GSE1: variants seen among roughly 807,000 people sequenced by gnomAD.
The protein encoded by GSE1 is Gse1 coiled-coil protein, also known as genetic suppressor element 1.
A neutral mutation model predicts 112.6 loss-of-function variants in GSE1; 32 were observed. The observed-to-expected ratio is 0.28, with a 90% CI of 0.21 to 0.38. The LOEUF (loss-of-function observed/expected upper bound fraction) is 0.38, where lower values mean the gene tolerates loss of function less well. GSE1 is among the 10% of genes least tolerant of loss of function. GSE1 has a pLI of 1.00. For synonymous variants in GSE1, 1,115 were observed against 735.6 expected (o/e 1.52, Z -8.35); for missense variants, 2,348 against 1,699.2 (o/e 1.38, Z -6.71).
At chr16:85,642,040 G>C (rs989073639) in intron 2 of GSE1, among the ~76,000 whole-genome samples, 53 of 152,252 alleles carry the variant, frequency 3.5e-4, no homozygotes, top group African/African-American at 1.2e-3. Flanking sequence ...AGCTGTTCCA[G>C]CCTACACCGG....
intron 2 of GSE1, among the ~76,000 whole-genome samples, chr16:85,507,051 G>A (rs1380944842): frequency 6.6e-6 from 1 of 152,176 alleles, no homozygotes; most frequent in East Asian, 1.9e-4. Context: ...ACCGTGTGGG[G>A]TTGCGGTTTC....
intron 2 of GSE1, among the ~76,000 whole-genome samples, chr16:85,417,662 A>T (rs191016757): frequency 6.6e-6 from 1 of 152,180 alleles, no homozygotes; most frequent in African/African-American, 2.4e-5. Context: ...GCTGGGGCCC[A>T]AGGCCAGTGG....
At chr16:85,381,625 T>G (rs890799556) in intron 2 of GSE1, among the ~76,000 whole-genome samples, 1 of 152,176 alleles carries the variant, frequency 6.6e-6, no homozygotes. Flanking sequence ...TGAGGCTATG[T>G]GGGTTTAACA....
intron 2 of GSE1, among the ~76,000 whole-genome samples, chr16:85,416,675 A>T (rs184177515): frequency 1.3e-5 from 2 of 152,318 alleles, no homozygotes; most frequent in Admixed American, 1.3e-4. Flanking sequence ...TTCCTTGCTA[A>T]GATTCTTCAT....
At chr16:85,328,671 C>CA (rs2046275542) in intron 1 of GSE1, among the ~76,000 whole-genome samples, 1 of 152,230 alleles carries the variant, frequency 6.6e-6, no homozygotes, top group Non-Finnish European at 1.5e-5. Context: ...GCAGGGTCTG[C>CA]AGTGGGGCAG....
intron 1 of GSE1, among the ~76,000 whole-genome samples, chr16:85,569,824 C>T (rs2151323493): frequency 6.6e-6 from 1 of 152,350 alleles, no homozygotes; most frequent in African/African-American, 2.4e-5. Flanking sequence ...CTTTGCCAGT[C>T]TCTCCGGGGG....
chr16:85,529,191 G>A (rs1166800583), intron 2 of GSE1, among the ~76,000 whole-genome samples: 1 of 152,112 alleles, frequency 6.6e-6, no homozygotes, highest in African/African-American at 2.4e-5. Context: ...GACTGGAGTG[G>A]GGGTGGGGGT....
rs750128122 is a variant in GSE1, at chr16:85,657,519, C to A, written c.1555C>A (p.Arg519=). ...CCGGCAGTCTCAGGTGTCCGAGTTCCGGCAGCAGGTGCTGGAGCAGCACCT... is the reference window on the plus strand; with the variant it reads ...CCGGCAGTCTCAGGTGTCCGAGTTCAGGCAGCAGGTGCTGGAGCAGCACCT... ...EDRQSQVSEF[R]QQVLEQHLDM... Residue 519 remains arginine, a synonymous_variant, in exon 8 of 16, where the codon CGG becomes AGG. Coordinates refer to ENST00000253458, the MANE Select transcript of GSE1 (RefSeq NM_014615.5). 1.5e-5 allele frequency: 24 copies of A among 1,604,586 alleles called. No individual in the cohort carries two copies. The highest frequency in any genetic ancestry group is 1.7e-4 in the Middle Eastern group (1 of 6,060).
intron 2 of GSE1, among the ~76,000 whole-genome samples, chr16:85,481,195 C>T (rs955729025): frequency 1.3e-5 from 2 of 152,248 alleles, no homozygotes; most frequent in African/African-American, 4.8e-5. Context: ...CACCCAGCCT[C>T]AGCACCTGGT....
chr16:85,307,263 G>C (rs2045705077), intron 1 of GSE1, among the ~76,000 whole-genome samples: 1 of 152,198 alleles, frequency 6.6e-6, no homozygotes, highest in African/African-American at 2.4e-5. Flanking sequence ...GAGGCTCCTT[G>C]TCAGTGGCCA....
chr16:85,289,856 C>T (rs895095150), intron 1 of GSE1, among the ~76,000 whole-genome samples: 5 of 152,144 alleles, frequency 3.3e-5, no homozygotes, highest in Non-Finnish European at 5.9e-5. Context: ...ATGAAAACCA[C>T]GGTTTTACTC....
At chr16:85,309,085 G>T (rs968304304) in intron 1 of GSE1, among the ~76,000 whole-genome samples, 1 of 151,628 alleles carries the variant, frequency 6.6e-6, no homozygotes, top group African/African-American at 2.4e-5. Flanking sequence ...GCTCTGAGGG[G>T]CTGCTGCAGC....
intron 2 of GSE1, among the ~76,000 whole-genome samples, chr16:85,426,195 A>C (rs200622762): frequency 2.3e-5 from 2 of 85,214 alleles, no homozygotes; most frequent in African/African-American, 7.4e-5. Context: ...GGATAGATGG[A>C]TGGCTGGATG....
intron 2 of GSE1, among the ~76,000 whole-genome samples, chr16:85,465,312 G>C (rs922379506): frequency 6.6e-6 from 1 of 152,164 alleles, no homozygotes. Context: ...CTGGCCCTTC[G>C]CATCTCTGCT....
At chr16:85,184,819 T>C (rs940680517) in intron 1 of GSE1, among the ~76,000 whole-genome samples, 7 of 152,254 alleles carry the variant, frequency 4.6e-5, no homozygotes, top group African/African-American at 1.4e-4. Context: ...GAAGGTACTC[T>C]GTATGGCTTT....
chr16:85,358,019 C>G (rs2046987546), intron 2 of GSE1, among the ~76,000 whole-genome samples: 1 of 152,130 alleles, frequency 6.6e-6, no homozygotes, highest in Non-Finnish European at 1.5e-5. Context: ...TGTCAACACA[C>G]TGTGTCCCAG....
upstream of GSE1, among the ~76,000 whole-genome samples, chr16:85,553,982 C>T (rs1414786231): frequency 6.6e-6 from 1 of 152,068 alleles, no homozygotes; most frequent in Non-Finnish European, 1.5e-5. Flanking sequence ...GCCGTGTGTA[C>T]CTGCGGGCTC....
At chr16:85,255,029 T>C (rs974125245) in intron 1 of GSE1, among the ~76,000 whole-genome samples, 23 of 152,324 alleles carry the variant, frequency 1.5e-4, no homozygotes, top group African/African-American at 5.3e-4. Flanking sequence ...GGGCGGTCTC[T>C]GCAGGGACCC....
At chr16:85,276,905 G>A (rs867771254) in intron 1 of GSE1, among the ~76,000 whole-genome samples, 1 of 152,230 alleles carries the variant, frequency 6.6e-6, no homozygotes, top group African/African-American at 2.4e-5. Context: ...CCCCAAGGCC[G>A]GGCTCTGGAG....
Sources: gnomAD v4.1 joint callset for allele counts (sites outside exome capture counted in the v4.1 genomes callset) on GRCh38, gnomAD v4.1.1 for gene constraint, MANE v1.5 for transcripts, NCBI Gene and HGNC (gene_info 2026-07-23, HGNC 2026-07-21) for gene names.